LOC400499: variants seen among roughly 807,000 people sequenced by gnomAD.
chr16:11,491,645 G>GCCCACCCACCCC, the LOC400499 span: 1 of 370,390 alleles, frequency 2.7e-6, no homozygotes. Flanking sequence ...TTCAGGAGGT[G>GCCCACCCACCCC]CCCTCCCAGC....
At chr16:11,516,912 C>T in the LOC400499 span, among the ~76,000 whole-genome samples, 3 of 152,218 alleles carry the variant, frequency 2.0e-5, no homozygotes, top group Non-Finnish European at 4.4e-5. Context: ...CTCCAAAGCT[C>T]TGGGATTACA....
the LOC400499 span, chr16:11,461,978 A>G: frequency 5.1e-6 from 4 of 777,476 alleles, no homozygotes; most frequent in Non-Finnish European, 5.5e-6. Context: ...GGGGGCTCAC[A>G]TGGAGCTTGG....
At chr16:11,423,591 G>A in the LOC400499 span, among the ~76,000 whole-genome samples, 3 of 152,240 alleles carry the variant, frequency 2.0e-5, no homozygotes, top group African/African-American at 2.4e-5. Flanking sequence ...CACAGTCAGC[G>A]ACGGTGCAGC....
At chr16:11,384,626 G>A in the LOC400499 span, among the ~76,000 whole-genome samples, 3 of 152,224 alleles carry the variant, frequency 2.0e-5, no homozygotes, top group South Asian at 2.1e-4. Context: ...GCAGAGGGAC[G>A]ACAGAAGGGC....
chr16:11,485,205 C>A, the LOC400499 span: 1 of 397,536 alleles, frequency 2.5e-6, no homozygotes, highest in African/African-American at 2.1e-5. Flanking sequence ...TGGTGCCCAC[C>A]TGGGCTGAGG....
the LOC400499 span, among the ~76,000 whole-genome samples, chr16:11,402,605 G>A: frequency 6.6e-6 from 1 of 152,194 alleles, no homozygotes; most frequent in Non-Finnish European, 1.5e-5. Flanking sequence ...GTGGGGTTGG[G>A]GAGAGCCTGC....
chr16:11,502,270 C>G, the LOC400499 span: 1 of 397,408 alleles, frequency 2.5e-6, no homozygotes, highest in Non-Finnish European at 4.4e-6. Context: ...TAAGCACAAC[C>G]GTGGGGAAAG....
the LOC400499 span, chr16:11,446,516 G>A: frequency 2.0e-6 from 3 of 1,525,900 alleles, no homozygotes; most frequent in African/African-American, 1.4e-5. Context: ...AGGGCTGGCT[G>A]GGGTGCAAAA....
At chr16:11,439,522 A>T in the LOC400499 span, 12 of 399,116 alleles carry the variant, frequency 3.0e-5, no homozygotes, top group South Asian at 1.4e-3. Context: ...GTCCGTGAGG[A>T]TGCCTGAGTT....
the LOC400499 span, among the ~76,000 whole-genome samples, chr16:11,420,876 C>G: frequency 5.9e-5 from 9 of 152,202 alleles, no homozygotes; most frequent in Admixed American, 2.0e-4. Context: ...TGCGGGAAGC[C>G]CTGCTCTAGG....
the LOC400499 span, chr16:11,404,644 G>T: frequency 5.0e-6 from 2 of 398,798 alleles, no homozygotes; most frequent in Non-Finnish European, 8.8e-6. Context: ...ACCGCGCCTG[G>T]CCAGGGATGA....
chr16:11,456,552 A>G, the LOC400499 span, among the ~76,000 whole-genome samples: 1 of 152,196 alleles, frequency 6.6e-6, no homozygotes, highest in East Asian at 1.9e-4. Flanking sequence ...GTTACGATGT[A>G]ATTATAAGCA....
the LOC400499 span, chr16:11,398,231 G>C: frequency 1.1e-6 from 1 of 870,804 alleles, no homozygotes. Context: ...GAGCCACGAT[G>C]GTGGCGTCTG....
the LOC400499 span, among the ~76,000 whole-genome samples, chr16:11,517,709 C>T: frequency 3.9e-5 from 6 of 152,276 alleles, no homozygotes; most frequent in African/African-American, 1.4e-4. Flanking sequence ...AGAATTCAGC[C>T]CCGTGCTCCT....
chr16:11,391,607 G>T, the LOC400499 span: 8 of 1,212,820 alleles, frequency 6.6e-6, no homozygotes, highest in African/African-American at 7.8e-5. Flanking sequence ...TAGGGCCCCG[G>T]TGGAGAGGGG....
the LOC400499 span, among the ~76,000 whole-genome samples, chr16:11,496,888 ATGTGTGTGTGTGTGTG>A: frequency 9.1e-3 from 1,307 of 144,366 alleles, 19 homozygotes; most frequent in African/African-American, 0.031. Flanking sequence ...GTATGCCTCA[ATGTGTGTGTGTGTGTG>A]TGTGTGTGTG....
the LOC400499 span, among the ~76,000 whole-genome samples, chr16:11,378,145 C>T: frequency 3.3e-5 from 5 of 152,174 alleles, no homozygotes; most frequent in African/African-American, 9.6e-5. Flanking sequence ...CCACGTTGCC[C>T]AAGCTAGTCT....
the LOC400499 span, among the ~76,000 whole-genome samples, chr16:11,504,283 C>T: frequency 1.3e-5 from 2 of 152,218 alleles, no homozygotes; most frequent in Non-Finnish European, 2.9e-5. Context: ...GGGCCTGGCG[C>T]GGTGGTTCAC....
the LOC400499 span, among the ~76,000 whole-genome samples, chr16:11,505,762 A>T: frequency 6.6e-6 from 1 of 151,716 alleles, no homozygotes; most frequent in East Asian, 1.9e-4. Context: ...TTACTTGTTG[A>T]TACACAATAG....
Sources: allele counts gnomAD v4.1 joint callset (sites outside exome capture counted in the v4.1 genomes callset), GRCh38; gene constraint gnomAD v4.1.1; transcripts MANE v1.5.